The following GALNT13 variants were observed in gnomAD, a reference collection of about 807,000 sequenced individuals.
GALNT13 encodes the protein polypeptide N-acetylgalactosaminyltransferase 13.
In GALNT13, 28 loss-of-function variants were observed where a neutral mutation model predicts 64.2. The observed-to-expected ratio is 0.44, with a 90% confidence interval of 0.32 to 0.60. The LOEUF (loss-of-function observed/expected upper bound fraction) is 0.60. GALNT13 is among the 20% of genes least tolerant of loss of function. The pLI, the probability that GALNT13 is intolerant of heterozygous loss-of-function variation, is 0.05. For missense variants in GALNT13, 577 were observed against 669.8 expected (o/e 0.86, Z 1.53); for synonymous variants, 214 against 224.6 (o/e 0.95, Z 0.42).
At chr2:153,602,312 C>T in the GALNT13 span, among the ~76,000 whole-genome samples, 15 of 151,680 alleles carry the variant, frequency 9.9e-5, no homozygotes, top group Non-Finnish European at 1.6e-4. Flanking sequence ...CCTGCTTTCA[C>T]GGTGTCTGTG....
the GALNT13 span, among the ~76,000 whole-genome samples, chr2:153,650,770 G>T: frequency 6.6e-6 from 1 of 152,012 alleles, no homozygotes; most frequent in Admixed American, 6.6e-5. Context: ...CAGGCAAACA[G>T]GTTTGGAGTG....
intron 3 of GALNT13, among the ~76,000 whole-genome samples, chr2:154,014,660 T>C (rs1254932578): frequency 8.0e-6 from 1 of 125,446 alleles, no homozygotes; most frequent in Admixed American, 8.0e-5. Flanking sequence ...TGAGACGGAG[T>C]CTTGTGCTTT....
At chr2:154,380,692 TTGG>T (rs1435740569) in intron 9 of GALNT13, among the ~76,000 whole-genome samples, 2 of 152,022 alleles carry the variant, frequency 1.3e-5, no homozygotes, top group Admixed American at 6.6e-5. Flanking sequence ...TGCCACGAAC[TTGG>T]TGGCTGAAAT....
At chr2:153,731,643 G>A in the GALNT13 span, among the ~76,000 whole-genome samples, 1 of 151,994 alleles carries the variant, frequency 6.6e-6, no homozygotes, top group African/African-American at 2.4e-5. Flanking sequence ...TTACTTGTAG[G>A]AGGCATTGGT....
chr2:154,356,942 T>C (rs1342318850), intron 9 of GALNT13, among the ~76,000 whole-genome samples: 5 of 152,014 alleles, frequency 3.3e-5, no homozygotes, highest in Non-Finnish European at 7.4e-5. Flanking sequence ...TTTGGTTGTC[T>C]TATATGATCT....
chr2:154,334,031 C>T (rs184311769), intron 9 of GALNT13, among the ~76,000 whole-genome samples: 6 of 152,032 alleles, frequency 3.9e-5, no homozygotes, highest in South Asian at 2.1e-4. Flanking sequence ...CACAGGCAGT[C>T]GTTTATATTC....
At chr2:154,179,828 A>T (rs1685858711) in intron 4 of GALNT13, among the ~76,000 whole-genome samples, 1 of 150,502 alleles carries the variant, frequency 6.6e-6, no homozygotes, top group South Asian at 2.1e-4. Flanking sequence ...CCATGATAAA[A>T]AAAAAAAAAA....
At chr2:153,249,954 G>A in the GALNT13 span, among the ~76,000 whole-genome samples, 1 of 152,098 alleles carries the variant, frequency 6.6e-6, no homozygotes, top group Non-Finnish European at 1.5e-5. Flanking sequence ...ATACCATTCA[G>A]GATATAGGCA....
At chr2:153,220,156 T>A in the GALNT13 span, among the ~76,000 whole-genome samples, 1 of 152,198 alleles carries the variant, frequency 6.6e-6, no homozygotes, top group African/African-American at 2.4e-5. Flanking sequence ...AAAGATTGGC[T>A]ATGTCACAGT....
chr2:153,436,614 A>G, the GALNT13 span, among the ~76,000 whole-genome samples: 9 of 152,076 alleles, frequency 5.9e-5, no homozygotes, highest in Non-Finnish European at 7.4e-5. Flanking sequence ...GTTTATTTGC[A>G]TAGAGGTGTT....
intron 2 of GALNT13, among the ~76,000 whole-genome samples, chr2:153,911,101 C>T (rs955827536): frequency 4.6e-5 from 7 of 152,148 alleles, no homozygotes; most frequent in African/African-American, 1.7e-4. Context: ...AATCTGGATG[C>T]TTCTCAGTTG....
At chr2:153,912,134 G>C (rs931799634) in intron 2 of GALNT13, among the ~76,000 whole-genome samples, 1 of 151,962 alleles carries the variant, frequency 6.6e-6, no homozygotes, top group Non-Finnish European at 1.5e-5. Context: ...TTGTCTGACT[G>C]TATTATTTCA....
the GALNT13 span, among the ~76,000 whole-genome samples, chr2:153,536,045 T>C: frequency 2.6e-5 from 4 of 152,168 alleles, no homozygotes; most frequent in Non-Finnish European, 5.9e-5. Flanking sequence ...GCCAGCAAGT[T>C]AGGCCCCTCT....
chr2:153,424,235 T>C, the GALNT13 span, among the ~76,000 whole-genome samples: 1 of 151,192 alleles, frequency 6.6e-6, no homozygotes, highest in African/African-American at 2.4e-5. Context: ...TTTTTCTAAT[T>C]GCATTAGAGG....
chr2:153,296,003 C>G, the GALNT13 span, among the ~76,000 whole-genome samples: 2 of 152,124 alleles, frequency 1.3e-5, no homozygotes, highest in African/African-American at 2.4e-5. Flanking sequence ...CACATTAGAG[C>G]GCCCACTCAG....
At chr2:153,345,627 TC>T in the GALNT13 span, among the ~76,000 whole-genome samples, 2,832 of 131,538 alleles carry the variant, frequency 0.022, 28 homozygotes, top group Non-Finnish European at 0.032. Flanking sequence ...TCTTTTCTTT[TC>T]CTTTCTTTTT....
chr2:154,031,016 G>A (rs1698302302), intron 3 of GALNT13, among the ~76,000 whole-genome samples: 1 of 152,032 alleles, frequency 6.6e-6, no homozygotes, highest in South Asian at 2.1e-4. Flanking sequence ...AATAAAACAT[G>A]TTTCTCATAT....
chr2:153,558,726 TC>T, the GALNT13 span, among the ~76,000 whole-genome samples: 1 of 152,186 alleles, frequency 6.6e-6, no homozygotes, highest in African/African-American at 2.4e-5. Context: ...ATGGATAACT[TC>T]CGTTAAAATT....
chr2:153,972,966 A>G (rs1419414151), intron 3 of GALNT13, among the ~76,000 whole-genome samples: 2 of 152,110 alleles, frequency 1.3e-5, no homozygotes, highest in Non-Finnish European at 2.9e-5. Context: ...TCACAATCTT[A>G]GAATTCATGT....
Sources: allele counts gnomAD v4.1 joint callset (sites outside exome capture counted in the v4.1 genomes callset), GRCh38; gene constraint gnomAD v4.1.1; transcripts MANE v1.5; gene names NCBI Gene and HGNC (gene_info 2026-07-23, HGNC 2026-07-21).